Variants in NRG3 observed in about 807,000 individuals in gnomAD.
The protein encoded by NRG3 is neuregulin 3, also known as pro-neuregulin-3, membrane-bound isoform.
A neutral mutation model predicts 66.9 loss-of-function variants in NRG3; 31 were observed. The observed-to-expected ratio is 0.46, with a 90% CI of 0.35 to 0.63. NRG3 has a LOEUF of 0.63. NRG3 is among the 20% of genes least tolerant of loss of function. The pLI is 0.00. For missense variants in NRG3, 910 were observed against 878.9 expected, an observed-to-expected ratio of 1.04 and a Z score of -0.45; for synonymous variants, 393 against 359.4, an observed-to-expected ratio of 1.09 and a Z score of -1.06.
chr10:82,517,645 TTGTGTGTG>T (rs58746808), intron 2 of NRG3, among the ~76,000 whole-genome samples: 128 of 144,574 alleles, frequency 8.9e-4, no homozygotes, highest in African/African-American at 2.8e-3. Flanking sequence ...CCGTGTGTGT[TTGTGTGTG>T]TGTGTGTGTG....
intron 1 of NRG3, among the ~76,000 whole-genome samples, chr10:81,920,324 T>A (rs1184289794): frequency 6.6e-6 from 1 of 152,092 alleles, no homozygotes; most frequent in African/African-American, 2.4e-5. Flanking sequence ...TTCGAAGGGT[T>A]CCTCACTCTA....
At chr10:82,916,410 T>A (rs2132019121) in intron 4 of NRG3, among the ~76,000 whole-genome samples, 1 of 152,232 alleles carries the variant, frequency 6.6e-6, no homozygotes, top group South Asian at 2.1e-4. Flanking sequence ...CATACTTTCA[T>A]TACTGTACTT....
intron 1 of NRG3, among the ~76,000 whole-genome samples, chr10:82,159,372 A>G (rs1349420462): frequency 2.0e-5 from 3 of 151,742 alleles, no homozygotes; most frequent in African/African-American, 7.3e-5. Flanking sequence ...AGTTTCCTGA[A>G]TATATTACTG....
chr10:82,077,614 T>G (rs924302374), intron 1 of NRG3, among the ~76,000 whole-genome samples: 2 of 152,168 alleles, frequency 1.3e-5, no homozygotes, highest in Admixed American at 6.5e-5. Flanking sequence ...GGAAATGATC[T>G]CAATGATTAA....
At chr10:82,197,219 C>T (rs1230025151) in intron 1 of NRG3, among the ~76,000 whole-genome samples, 1 of 152,098 alleles carries the variant, frequency 6.6e-6, no homozygotes, top group Non-Finnish European at 1.5e-5. Flanking sequence ...GCACCAGGCA[C>T]ATAGCAAGTG....
intron 2 of NRG3, among the ~76,000 whole-genome samples, chr10:82,420,791 C>G (rs2136233428): frequency 6.6e-6 from 1 of 152,078 alleles, no homozygotes; most frequent in African/African-American, 2.4e-5. Flanking sequence ...GGAGAATGGA[C>G]AAAAACTATG....
chr10:82,581,707 A>C (rs2046365166), intron 2 of NRG3, among the ~76,000 whole-genome samples: 1 of 152,090 alleles, frequency 6.6e-6, no homozygotes, highest in Non-Finnish European at 1.5e-5. Flanking sequence ...AACATTTTAA[A>C]GTGTACACTT....
At chr10:82,967,425 C>G (rs933616887) in intron 6 of NRG3, among the ~76,000 whole-genome samples, 1 of 152,048 alleles carries the variant, frequency 6.6e-6, no homozygotes, top group Non-Finnish European at 1.5e-5. Context: ...AACCTCCTTC[C>G]CACTGTCTAT....
chr10:81,903,977 T>C (rs1844326093), intron 1 of NRG3, among the ~76,000 whole-genome samples: 1 of 91,696 alleles, frequency 1.1e-5, no homozygotes, highest in Non-Finnish European at 1.9e-5. Flanking sequence ...AGAGTGTGTA[T>C]ATATATATAT....
At chr10:82,231,656 A>G (rs1486078175) in intron 1 of NRG3, among the ~76,000 whole-genome samples, 1 of 152,222 alleles carries the variant, frequency 6.6e-6, no homozygotes, top group Non-Finnish European at 1.5e-5. Flanking sequence ...CACATTCCAT[A>G]ATGGAAAATC....
intron 1 of NRG3, chr10:82,225,456 A>G (rs1412737123): frequency 6.6e-6 from 1 of 151,478 alleles, no homozygotes; most frequent in Non-Finnish European, 1.5e-5. Flanking sequence ...GGGTGAGAGG[A>G]TGCTCAGCAG....
chr10:82,934,335 A>C (rs1277709110), intron 4 of NRG3, among the ~76,000 whole-genome samples: 1 of 125,882 alleles, frequency 7.9e-6, no homozygotes, highest in Non-Finnish European at 1.7e-5. Flanking sequence ...GACACAGTAG[A>C]GACTTGAGAA....
At chr10:82,755,321 C>G (rs899174060) in intron 3 of NRG3, among the ~76,000 whole-genome samples, 8 of 152,090 alleles carry the variant, frequency 5.3e-5, no homozygotes, top group Non-Finnish European at 1.0e-4. Flanking sequence ...TTACTTTCTT[C>G]CTGCAGTAAT....
intron 1 of NRG3, among the ~76,000 whole-genome samples, chr10:82,018,410 C>T (rs532429790): frequency 8.5e-5 from 13 of 152,092 alleles, no homozygotes; most frequent in East Asian, 1.9e-4. Context: ...ATTGACTTGG[C>T]GATGCGTGCT....
chr10:82,365,509 T>A (rs1437621926), intron 2 of NRG3, among the ~76,000 whole-genome samples: 1 of 152,232 alleles, frequency 6.6e-6, no homozygotes, highest in African/African-American at 2.4e-5. Flanking sequence ...AAGTTATAAT[T>A]ATTCTTCCTC....
chr10:81,916,280 A>G (rs1038889821), intron 1 of NRG3, among the ~76,000 whole-genome samples: 1 of 152,176 alleles, frequency 6.6e-6, no homozygotes, highest in Non-Finnish European at 1.5e-5. Context: ...CTCCTCAGTA[A>G]GTATTTACTG....
chr10:81,908,091 C>T (rs1457543733), intron 1 of NRG3, among the ~76,000 whole-genome samples: 1 of 152,136 alleles, frequency 6.6e-6, no homozygotes, highest in African/African-American at 2.4e-5. Flanking sequence ...AAAGTTTCTT[C>T]CCGATTGCTT....
At chr10:82,943,071 A>G (rs373602627) in intron 4 of NRG3, among the ~76,000 whole-genome samples, 1 of 152,192 alleles carries the variant, frequency 6.6e-6, no homozygotes, top group East Asian at 1.9e-4. Context: ...GGCTAAGGCT[A>G]GTTTTGCATA....
chr10:81,903,189 C>A (rs548517037), intron 1 of NRG3, among the ~76,000 whole-genome samples: 1 of 152,212 alleles, frequency 6.6e-6, no homozygotes, highest in Admixed American at 6.5e-5. Context: ...TGTAATATGG[C>A]ATGCGAGGAA....
Sources: allele counts gnomAD v4.1 joint callset (sites outside exome capture counted in the v4.1 genomes callset), GRCh38; gene constraint gnomAD v4.1.1; transcripts MANE v1.5; gene names NCBI Gene and HGNC (gene_info 2026-07-23, HGNC 2026-07-21).